SLC39A11: variants seen among roughly 807,000 people sequenced by gnomAD.
SLC39A11 encodes the protein zinc transporter ZIP11.
SLC39A11 carries 33 observed loss-of-function variants against 36.1 expected under a neutral mutation model. The ratio of observed to expected loss-of-function variants is 0.91; its 90% CI spans 0.69 to 1.22. The LOEUF is 1.22. Among genes scored for constraint, SLC39A11 ranks in the 50% most tolerant of loss-of-function variants. SLC39A11 has a pLI of 0.00. For synonymous variants in SLC39A11, 166 were observed against 170.3 expected (o/e 0.97, Z 0.20); for missense variants, 432 against 430.3 (o/e 1.00, Z -0.03).
At chr17:72,907,794 C>G in intron 5 of SLC39A11, among the ~76,000 whole-genome samples, 1 of 152,196 alleles carries the variant, frequency 6.6e-6, no homozygotes, top group East Asian at 1.9e-4. Context: ...CACATGAAAC[C>G]CACAGAACTC....
At chr17:72,743,978 G>A (rs953606130) in intron 6 of SLC39A11, among the ~76,000 whole-genome samples, 6 of 152,180 alleles carry the variant, frequency 3.9e-5, no homozygotes, top group South Asian at 2.1e-4. Flanking sequence ...GCACCAAAGC[G>A]GAAGGAGCTG....
At chr17:72,729,437 ATATATATATATATATATATATTTTT>A (rs1280827104) in intron 7 of SLC39A11, among the ~76,000 whole-genome samples, 10 of 2,514 alleles carry the variant, frequency 4.0e-3, no homozygotes, top group African/African-American at 0.019. Context: ...ATATATATAT[ATATATATATATATATATATATTTTT>A]TTTTTTTTTT....
chr17:72,681,553 A>C (rs1222832795), intron 7 of SLC39A11, among the ~76,000 whole-genome samples: 1 of 152,220 alleles, frequency 6.6e-6, no homozygotes, highest in East Asian at 1.9e-4. Context: ...TCCCTATCAC[A>C]GCCGCAGACA....
intron 6 of SLC39A11, among the ~76,000 whole-genome samples, chr17:72,755,820 G>A (rs531011753): frequency 2.0e-3 from 301 of 152,284 alleles, no homozygotes; most frequent in Middle Eastern, 0.01. Context: ...CTGCCACCAC[G>A]TGGAATCTGC....
At position 72,646,251 on chromosome 17, in the gene SLC39A11, C is replaced by T. The variant is rs2069555986; in HGVS notation, c.*1333G>A. On this transcript the variant is annotated 3_prime_UTR_variant, in exon 10 of 10. Coordinates refer to ENST00000255559, the MANE Select transcript of SLC39A11 (RefSeq NM_139177.4). ...TGAATGTGTAAACTCTGAGAGCAGA[C>T]ACTGACAATGCAATGCCTGCATACC... The T allele has an allele frequency of 6.6e-6, 1 of 152,642 alleles. No homozygotes were observed. The highest frequency in any genetic ancestry group is 6.5e-5 in the Admixed American group (1 of 15,284). The allele number at this position is 152,642 out of a possible 1,614,324, so 9.5% of individuals were successfully genotyped here. A position where few individuals can be genotyped will look rare whatever the true frequency, so the allele number is the denominator to read the frequency against.
intron 4 of SLC39A11, among the ~76,000 whole-genome samples, chr17:72,969,930 A>T (rs2087314721): frequency 6.6e-6 from 1 of 152,150 alleles, no homozygotes; most frequent in South Asian, 2.1e-4. Flanking sequence ...CCTCCTCCTA[A>T]AATGAAATCT....
chr17:72,970,232 C>T (rs1446759092), intron 4 of SLC39A11, among the ~76,000 whole-genome samples: 1 of 152,204 alleles, frequency 6.6e-6, no homozygotes. Context: ...CACTCTCTGC[C>T]TCCCTCCAGA....
At chr17:72,928,079 C>G (rs779817226) in intron 5 of SLC39A11, among the ~76,000 whole-genome samples, 5 of 152,128 alleles carry the variant, frequency 3.3e-5, no homozygotes, top group African/African-American at 7.2e-5. Context: ...GAGGAGGATC[C>G]CAGGCCTAAC....
chr17:73,013,527 T>C (rs560102791), intron 4 of SLC39A11, among the ~76,000 whole-genome samples: 18 of 152,356 alleles, frequency 1.2e-4, no homozygotes, highest in Admixed American at 5.2e-4. Flanking sequence ...AGTTCATAAA[T>C]GAACAGGTGC....
chr17:73,007,149 G>A (rs568711559), intron 4 of SLC39A11, among the ~76,000 whole-genome samples: 24 of 152,236 alleles, frequency 1.6e-4, no homozygotes, highest in African/African-American at 5.3e-4. Context: ...AGGGCCGGGC[G>A]CAGTGGCTCA....
intron 3 of SLC39A11, among the ~76,000 whole-genome samples, chr17:73,062,467 A>AG: frequency 7.1e-6 from 1 of 141,708 alleles, no homozygotes; most frequent in Non-Finnish European, 1.5e-5. Context: ...GTCTCAAAAA[A>AG]AAAAAAAAAA....
intron 5 of SLC39A11, among the ~76,000 whole-genome samples, chr17:72,906,645 C>G (rs2082671073): frequency 6.6e-6 from 1 of 152,252 alleles, no homozygotes; most frequent in Non-Finnish European, 1.5e-5. Flanking sequence ...TCACCTGAAA[C>G]AGACCTTGTT....
At chr17:72,776,941 A>G (rs1286074876) in intron 6 of SLC39A11, among the ~76,000 whole-genome samples, 1 of 152,138 alleles carries the variant, frequency 6.6e-6, no homozygotes, top group Non-Finnish European at 1.5e-5. Flanking sequence ...TTCGCAGTTC[A>G]TGGCTAAATG....
At chr17:72,727,709 C>G (rs2143737762) in intron 7 of SLC39A11, among the ~76,000 whole-genome samples, 1 of 152,060 alleles carries the variant, frequency 6.6e-6, no homozygotes, top group Non-Finnish European at 1.5e-5. Flanking sequence ...AACTACAGGC[C>G]TCCCTCTGCT....
chr17:72,848,714 C>G (rs1213051035), intron 6 of SLC39A11, among the ~76,000 whole-genome samples: 1 of 116,744 alleles, frequency 8.6e-6, no homozygotes, highest in East Asian at 2.2e-4. Context: ...GAGCAAGACT[C>G]TGTCTTAAAA....
At chr17:73,074,067 A>G (rs1290369183) in intron 3 of SLC39A11, among the ~76,000 whole-genome samples, 1 of 151,884 alleles carries the variant, frequency 6.6e-6, no homozygotes, top group East Asian at 1.9e-4. Context: ...AAAAGGTAGC[A>G]GCAATTATTA....
chr17:72,976,842 C>A (rs1389114931), intron 4 of SLC39A11, among the ~76,000 whole-genome samples: 1 of 151,460 alleles, frequency 6.6e-6, no homozygotes, highest in African/African-American at 2.4e-5. Context: ...GAGCAAGACT[C>A]CGTCTCAAAA....
intron 4 of SLC39A11, among the ~76,000 whole-genome samples, chr17:73,017,879 T>C (rs1264541462): frequency 1.3e-5 from 2 of 152,204 alleles, no homozygotes; most frequent in African/African-American, 4.8e-5. Context: ...AAGCTATGCA[T>C]GTGCAAAGTA....
At position 72,647,577 on chromosome 17, in the gene SLC39A11, C is replaced by T. The variant is rs2069612207; in HGVS notation, c.*7G>A. The T allele has an allele frequency of 6.2e-7, 1 of 1,613,284 alleles. No homozygotes were observed. The highest frequency in any genetic ancestry group is 1.3e-5 in the African/African-American group (1 of 74,904). Reference sequence around the variant, plus strand: ...TGGCCTTTCCCGGGGTCCGAAGCGTCTCAGCCCTAGCCCAGGCCAACGTCC... The same window carrying T: ...TGGCCTTTCCCGGGGTCCGAAGCGTTTCAGCCCTAGCCCAGGCCAACGTCC... On this transcript the variant is annotated 3_prime_UTR_variant, in exon 10 of 10. Coordinates refer to ENST00000255559, the MANE Select transcript of SLC39A11 (RefSeq NM_139177.4).
Sources: allele counts gnomAD v4.1 joint callset (sites outside exome capture counted in the v4.1 genomes callset), GRCh38; gene constraint gnomAD v4.1.1; transcripts MANE v1.5; gene names NCBI Gene and HGNC (gene_info 2026-07-23, HGNC 2026-07-21).